Variants in ADAMTSL1 observed in about 807,000 individuals in gnomAD.
ADAMTSL1 encodes the protein ADAMTS like 1.
ADAMTSL1 carries 126 observed loss-of-function variants against 201.8 expected under a neutral mutation model. The ratio of observed to expected loss-of-function variants is 0.62; its 90% confidence interval spans 0.54 to 0.72. The LOEUF (loss-of-function observed/expected upper bound fraction) is 0.72. Ranked by LOEUF, ADAMTSL1 falls within the 30% of genes least tolerant of loss-of-function variation. The pLI, the probability that ADAMTSL1 is intolerant of heterozygous loss-of-function variation, is 0.00. For missense variants in ADAMTSL1, 2,679 were observed against 2,277.8 expected (o/e 1.18, Z -3.59); for synonymous variants, 1,121 against 903.4 (o/e 1.24, Z -4.32).
intron 23 of ADAMTSL1, among the ~76,000 whole-genome samples, chr9:18,864,813 C>T (rs1018062747): frequency 5.9e-5 from 9 of 152,214 alleles, no homozygotes; most frequent in African/African-American, 1.9e-4. Context: ...TACATCTGGA[C>T]TGATGCCCTG....
At chr9:18,325,080 C>G (rs1348538590) in intron 2 of ADAMTSL1, among the ~76,000 whole-genome samples, 1 of 152,128 alleles carries the variant, frequency 6.6e-6, no homozygotes, top group Non-Finnish European at 1.5e-5. Flanking sequence ...AATTAGAATA[C>G]TGACATCACT....
intron 2 of ADAMTSL1, among the ~76,000 whole-genome samples, chr9:18,239,617 G>A (rs1830984043): frequency 6.6e-6 from 1 of 152,000 alleles, no homozygotes; most frequent in African/African-American, 2.4e-5. Flanking sequence ...GCGTGGTGGT[G>A]CATGTCTGTA....
intron 2 of ADAMTSL1, among the ~76,000 whole-genome samples, chr9:18,421,466 T>C (rs922815183): frequency 1.3e-5 from 2 of 152,178 alleles, no homozygotes; most frequent in Non-Finnish European, 2.9e-5. Flanking sequence ...GATTCAAACA[T>C]AGGACAGCAA....
At chr9:18,583,388 G>A (rs538244687) in intron 4 of ADAMTSL1, among the ~76,000 whole-genome samples, 28 of 152,302 alleles carry the variant, frequency 1.8e-4, no homozygotes, top group African/African-American at 6.5e-4. Flanking sequence ...CAAGAATTAA[G>A]GTTTGGGAAC....
intron 1 of ADAMTSL1, among the ~76,000 whole-genome samples, chr9:17,964,312 C>G (rs1421332176): frequency 1.3e-5 from 2 of 152,124 alleles, no homozygotes; most frequent in African/African-American, 2.4e-5. Flanking sequence ...GACTTTAAAA[C>G]TCTTTATTTA....
intron 1 of ADAMTSL1, among the ~76,000 whole-genome samples, chr9:18,109,400 ACTT>A (rs1163643040): frequency 6.6e-6 from 1 of 152,106 alleles, no homozygotes; most frequent in Non-Finnish European, 1.5e-5. Context: ...TGACTGCAGT[ACTT>A]CTGTGTATCA....
At chr9:18,069,670 A>G (rs1822868471) in intron 1 of ADAMTSL1, among the ~76,000 whole-genome samples, 1 of 152,180 alleles carries the variant, frequency 6.6e-6, no homozygotes, top group South Asian at 2.1e-4. Context: ...TTATTTTGAC[A>G]ATACTGTGAT....
chr9:18,477,408 A>G (rs779982468), intron 1 of ADAMTSL1, among the ~76,000 whole-genome samples: 1 of 152,180 alleles, frequency 6.6e-6, no homozygotes, highest in Non-Finnish European at 1.5e-5. Flanking sequence ...TATACATGGC[A>G]ACTAGTCAAA....
chr9:18,212,444 A>G (rs775582444), intron 2 of ADAMTSL1, among the ~76,000 whole-genome samples: 1 of 152,256 alleles, frequency 6.6e-6, no homozygotes, highest in Admixed American at 6.5e-5. Context: ...GACCAAACAT[A>G]TAAATGAAAC....
intron 21 of ADAMTSL1, among the ~76,000 whole-genome samples, chr9:18,825,590 A>T (rs1040522874): frequency 6.6e-6 from 1 of 152,154 alleles, no homozygotes; most frequent in Non-Finnish European, 1.5e-5. Context: ...TTTTTATTAA[A>T]ATATATCTAT....
At position 18,240,961 on chromosome 9, in the gene ADAMTSL1, G is replaced by A. The variant is rs565470888; in HGVS notation, c.207+76980G>A. Reference sequence around the variant, plus strand: ...GTCAACATTCACAGAATTGAAGAGAGTTAGGGCCTTGCTCTGGATTAGGCT... The same window carrying A: ...GTCAACATTCACAGAATTGAAGAGAATTAGGGCCTTGCTCTGGATTAGGCT... On this transcript the variant is annotated intron_variant, in intron 2 of 29. Coordinates refer to the ADAMTSL1 transcript ENST00000680146. 6.6e-5 allele frequency among the ~76,000 whole-genome samples: 10 copies of A among 152,328 alleles called. No individual in the cohort carries two copies. In the South Asian group the frequency reaches 2.1e-3, roughly 32 times the overall value.
At chr9:17,981,880 T>A (rs1489430485) in intron 1 of ADAMTSL1, among the ~76,000 whole-genome samples, 1 of 152,158 alleles carries the variant, frequency 6.6e-6, no homozygotes, top group African/African-American at 2.4e-5. Context: ...AGGATATAGC[T>A]ATTTGGGCAC....
intron 2 of ADAMTSL1, 129 bp from the exon 3 acceptor site, chr9:18,533,116 CCT>C: frequency 1.7e-6 from 1 of 591,926 alleles, no homozygotes; most frequent in East Asian, 2.9e-5. Context: ...AATAGTAAAC[CCT>C]CTAAGAACAT....
At chr9:18,837,545 C>T (rs1825390703) in intron 23 of ADAMTSL1, among the ~76,000 whole-genome samples, 1 of 152,206 alleles carries the variant, frequency 6.6e-6, no homozygotes, top group Admixed American at 6.5e-5. Context: ...CTGTGTGAGC[C>T]TCAGACACTG....
chr9:18,256,239 G>A (rs1018975385), intron 2 of ADAMTSL1, among the ~76,000 whole-genome samples: 2 of 152,124 alleles, frequency 1.3e-5, no homozygotes, highest in Admixed American at 6.6e-5. Context: ...ATTCATGCTG[G>A]ATCAAAGGCA....
intron 1 of ADAMTSL1, among the ~76,000 whole-genome samples, chr9:17,927,995 CTTT>C (rs71333019): frequency 6.7e-6 from 1 of 149,682 alleles, no homozygotes. Flanking sequence ...TTCTTTCTTT[CTTT>C]TTTTTTTTTT....
At position 18,494,191 on chromosome 9, in the gene ADAMTSL1, A is replaced by G. The variant is rs866558005; in HGVS notation, c.64-10638A>G. The stretch of plus-strand genomic sequence containing the variant: ...GGGAACATGGTGAAACCCTGTCTCT[A>G]TTAAAAATACAAAAATTACCCGGGC... On this transcript the variant is annotated intron_variant, in intron 1 of 28. Transcript: ENST00000380548. 2.7e-4 allele frequency among the ~76,000 whole-genome samples: 41 copies of G among 152,242 alleles called. No homozygotes were observed. In the Middle Eastern group the frequency reaches 0.014, roughly 51 times the overall value.
At chr9:18,680,556 T>C (rs752102384) in intron 11 of ADAMTSL1, 40 bp downstream of exon 11, 1 of 1,601,916 alleles carries the variant, frequency 6.2e-7, no homozygotes, top group South Asian at 1.1e-5. Context: ...GGAGAGTAAG[T>C]CCACTCTTCC....
chr9:18,694,389 G>A (rs1831423193), intron 13 of ADAMTSL1, among the ~76,000 whole-genome samples: 1 of 152,132 alleles, frequency 6.6e-6, no homozygotes. Context: ...AATCTCATCT[G>A]AGACAAGGCA....
Sources: allele counts gnomAD v4.1 joint callset (sites outside exome capture counted in the v4.1 genomes callset), GRCh38; gene constraint gnomAD v4.1.1; transcripts MANE v1.5; gene names NCBI Gene and HGNC (gene_info 2026-07-23, HGNC 2026-07-21).